ELOVL7: variants seen among roughly 807,000 people sequenced by gnomAD.
The protein encoded by ELOVL7 is ELOVL fatty acid elongase 7, also known as very long chain fatty acid elongase 7.
Under a neutral mutation model 35.7 loss-of-function variants are expected in ELOVL7, and 27 were observed. The observed-to-expected ratio is 0.76, with a 90% CI of 0.56 to 1.04. The LOEUF (loss-of-function observed/expected upper bound fraction) is 1.04, where lower values mean the gene tolerates loss of function less well. Among genes scored for constraint, ELOVL7 ranks in the 50% least tolerant of loss-of-function variants. ELOVL7 has a pLI of 0.00. For synonymous variants in ELOVL7, 113 were observed against 114.6 expected (o/e 0.99, Z 0.09); for missense variants, 327 against 340.8 (o/e 0.96, Z 0.32).
intron 1 of ELOVL7, among the ~76,000 whole-genome samples, chr5:60,830,802 C>G (rs1746440653): frequency 2.0e-5 from 3 of 152,128 alleles, no homozygotes; most frequent in South Asian, 4.1e-4. Context: ...GAAACTGAAA[C>G]TCTCATCAGA....
chr5:60,805,350 C>T (rs1046083208), intron 1 of ELOVL7, among the ~76,000 whole-genome samples: 2 of 152,146 alleles, frequency 1.3e-5, no homozygotes, highest in African/African-American at 4.8e-5. Flanking sequence ...AACTTGGTAA[C>T]ATACAGGGCT....
At chr5:60,834,926 C>T (rs1746697974) in intron 1 of ELOVL7, among the ~76,000 whole-genome samples, 1 of 151,788 alleles carries the variant, frequency 6.6e-6, no homozygotes, top group African/African-American at 2.4e-5. Flanking sequence ...CACAGTGGCT[C>T]ACACCTGTAA....
intron 1 of ELOVL7, among the ~76,000 whole-genome samples, chr5:60,837,231 G>A (rs187527255): frequency 5.0e-4 from 73 of 146,786 alleles, no homozygotes; most frequent in Admixed American, 1.4e-3. Context: ...GTCGGGAGTC[G>A]AGACCAGCCT....
chr5:60,820,029 G>A (rs888109683), intron 1 of ELOVL7, among the ~76,000 whole-genome samples: 2 of 152,190 alleles, frequency 1.3e-5, no homozygotes, highest in Non-Finnish European at 2.9e-5. Flanking sequence ...CTGGAAGAAG[G>A]AGGATTTGAA....
At chr5:60,766,697 T>C in intron 5 of ELOVL7, 67 bp from the exon 6 acceptor site, 1 of 1,386,918 alleles carries the variant, frequency 7.2e-7, no homozygotes, top group Non-Finnish European at 1.0e-6. Flanking sequence ...TTTTAAATTT[T>C]GGTAAAATAT....
chr5:60,777,992 T>C (rs1384765736), intron 3 of ELOVL7, among the ~76,000 whole-genome samples: 1 of 152,230 alleles, frequency 6.6e-6, no homozygotes, highest in Non-Finnish European at 1.5e-5. Context: ...ACAGACACTT[T>C]TCAAAACATA....
intron 1 of ELOVL7, among the ~76,000 whole-genome samples, chr5:60,819,054 G>A (rs1437248360): frequency 0.024 from 15 of 622 alleles, no homozygotes; most frequent in Non-Finnish European, 0.026. Context: ...GGGAGGGGAG[G>A]GGAGGGGAGG....
chr5:60,789,378 T>G (rs185759716), intron 2 of ELOVL7, among the ~76,000 whole-genome samples: 123 of 152,346 alleles, frequency 8.1e-4, no homozygotes, highest in African/African-American at 2.9e-3. Context: ...TAATCATATT[T>G]AAATAATCTG....
chr5:60,839,815 C>T (rs941945032), intron 1 of ELOVL7, among the ~76,000 whole-genome samples: 1 of 152,178 alleles, frequency 6.6e-6, no homozygotes, highest in African/African-American at 2.4e-5. Flanking sequence ...ATGTGGGCAA[C>T]ATAGTGAGAC....
chr5:60,843,782 G>A (rs1399197689), intron 1 of ELOVL7, among the ~76,000 whole-genome samples: 2 of 151,700 alleles, frequency 1.3e-5, no homozygotes, highest in African/African-American at 4.8e-5. Flanking sequence ...AGCGCCGCGC[G>A]GGACCCCAGT....
At chr5:60,834,832 A>G (rs1746693442) in intron 1 of ELOVL7, among the ~76,000 whole-genome samples, 1 of 150,510 alleles carries the variant, frequency 6.6e-6, no homozygotes, top group Non-Finnish European at 1.5e-5. Flanking sequence ...AAATTTATTT[A>G]GATACTATAA....
intron 1 of ELOVL7, among the ~76,000 whole-genome samples, chr5:60,802,953 T>C (rs1744729916): frequency 6.6e-6 from 1 of 152,214 alleles, no homozygotes; most frequent in Non-Finnish European, 1.5e-5. Context: ...TTCTCTTTTG[T>C]CATTTTTACG....
At position 60,772,181 on chromosome 5, in the gene ELOVL7, T is replaced by C. The variant is rs954390575; in HGVS notation, c.65-88A>G. Reference sequence around the variant, plus strand: ...ACATTTCTTTAACTGAGCACCCAGATCCTACTATTAACTGTGAGCTATTTG... The same window carrying C: ...ACATTTCTTTAACTGAGCACCCAGACCCTACTATTAACTGTGAGCTATTTG... On this transcript the variant is annotated intron_variant, in intron 3 of 8. Coordinates refer to ENST00000508821, the MANE Select transcript of ELOVL7 (RefSeq NM_024930.3). 47 of 778,626 alleles carry C rather than the reference T, an allele frequency of 6.0e-5. No individual in the cohort carries two copies. The East Asian group carries it at 1.2e-3, about 20-fold the overall frequency. 48.2% of individuals were successfully genotyped at this position (778,626 alleles called of 1,614,324 possible).
chr5:60,807,138 G>A (rs949424542), intron 1 of ELOVL7, among the ~76,000 whole-genome samples: 1 of 152,028 alleles, frequency 6.6e-6, no homozygotes, highest in Non-Finnish European at 1.5e-5. Context: ...CGGAGGAGAA[G>A]CAAACAGACT....
intron 3 of ELOVL7, among the ~76,000 whole-genome samples, chr5:60,786,419 A>G (rs926145155): frequency 6.6e-6 from 1 of 152,194 alleles, no homozygotes; most frequent in Non-Finnish European, 1.5e-5. Flanking sequence ...TAACTGCTAA[A>G]CCCCATGAAA....
At chr5:60,763,967 GAATAA>G (rs1227392305) in intron 7 of ELOVL7, among the ~76,000 whole-genome samples, 1 of 151,996 alleles carries the variant, frequency 6.6e-6, no homozygotes, top group African/African-American at 2.4e-5. Context: ...TCTGGGAAAA[GAATAA>G]AATACAAACA....
intron 3 of ELOVL7, among the ~76,000 whole-genome samples, chr5:60,780,455 C>T (rs967439346): frequency 6.6e-6 from 1 of 152,094 alleles, no homozygotes; most frequent in Non-Finnish European, 1.5e-5. Flanking sequence ...CTTCTCACCC[C>T]TCCAAACTGC....
chr5:60,766,485 G>T, intron 6 of ELOVL7, 89 bp downstream of exon 6: 1 of 1,097,804 alleles, frequency 9.1e-7, no homozygotes, highest in Non-Finnish European at 1.3e-6. Context: ...TGAAACTACA[G>T]CAGTTTATTG....
chr5:60,792,716 G>A (rs773112715), intron 2 of ELOVL7, among the ~76,000 whole-genome samples: 38 of 152,168 alleles, frequency 2.5e-4, no homozygotes, highest in Non-Finnish European at 1.5e-4. Context: ...TACTCCATGT[G>A]GTATAGGTGT....
Sources: allele counts gnomAD v4.1 joint callset (sites outside exome capture counted in the v4.1 genomes callset), GRCh38; gene constraint gnomAD v4.1.1; transcripts MANE v1.5; gene names NCBI Gene and HGNC (gene_info 2026-07-23, HGNC 2026-07-21).